ATRNL1: variants seen among roughly 807,000 people sequenced by gnomAD.
ATRNL1 encodes the protein attractin like 1.
In ATRNL1, 95 loss-of-function variants were observed where a neutral mutation model predicts 182.7. That is an observed-to-expected ratio of 0.52 (90% CI 0.44 to 0.62). ATRNL1 has a LOEUF of 0.62. Ranked by LOEUF, ATRNL1 falls within the 20% of genes least tolerant of loss-of-function variation. The probability of loss-of-function intolerance (pLI) is 0.00; values close to 1 mark genes in which losing one functional copy is unlikely to be tolerated. For synonymous variants in ATRNL1, 576 were observed against 568.3 expected (o/e 1.01, Z -0.19); for missense variants, 1,471 against 1,679.5 (o/e 0.88, Z 2.17).
intron 20 of ATRNL1, among the ~76,000 whole-genome samples, chr10:115,418,453 C>G (rs1438676273): frequency 6.6e-6 from 1 of 152,088 alleles, no homozygotes; most frequent in Non-Finnish European, 1.5e-5. Flanking sequence ...CTTACCAGAT[C>G]TGTGGGACAA....
intron 27 of ATRNL1, among the ~76,000 whole-genome samples, chr10:115,799,137 G>A (rs934588549): frequency 1.3e-4 from 20 of 151,924 alleles, no homozygotes; most frequent in African/African-American, 4.8e-4. Context: ...TCTTTACGTC[G>A]GAGATCCTGT....
At chr10:115,184,769 A>G (rs1847878584) in intron 8 of ATRNL1, among the ~76,000 whole-genome samples, 1 of 151,980 alleles carries the variant, frequency 6.6e-6, no homozygotes, top group Non-Finnish European at 1.5e-5. Flanking sequence ...ATGTAAGCTG[A>G]AACAAATGAA....
intron 19 of ATRNL1, among the ~76,000 whole-genome samples, chr10:115,389,578 A>ATATATATATATT (rs1843906412): frequency 9.1e-6 from 1 of 110,434 alleles, no homozygotes; most frequent in South Asian, 2.7e-4. Context: ...ATATATATAT[A>ATATATATATATT]TATATATATA....
chr10:115,552,574 G>A (rs559867791), intron 26 of ATRNL1, among the ~76,000 whole-genome samples: 7 of 151,446 alleles, frequency 4.6e-5, no homozygotes, highest in African/African-American at 1.4e-4. Flanking sequence ...AATATATTGT[G>A]TTCATTCAAC....
chr10:115,710,342 A>C (rs1947026594), intron 26 of ATRNL1, among the ~76,000 whole-genome samples: 2 of 152,144 alleles, frequency 1.3e-5, no homozygotes, highest in South Asian at 4.1e-4. Flanking sequence ...CATTTTGAAG[A>C]TGGTGGCTGC....
chr10:115,417,061 G>A (rs782066757), intron 20 of ATRNL1, among the ~76,000 whole-genome samples: 1 of 152,174 alleles, frequency 6.6e-6, no homozygotes, highest in Non-Finnish European at 1.5e-5. Flanking sequence ...GGCCCAAAGA[G>A]GGTTGTTTTG....
At chr10:115,935,772 A>G (rs181128814) in intron 28 of ATRNL1, among the ~76,000 whole-genome samples, 3 of 152,378 alleles carry the variant, frequency 2.0e-5, no homozygotes, top group African/African-American at 7.2e-5. Context: ...GTCAATTATT[A>G]GTAGTATTTC....
At chr10:115,826,195 C>A (rs1950427170) in intron 27 of ATRNL1, among the ~76,000 whole-genome samples, 1 of 81,442 alleles carries the variant, frequency 1.2e-5, no homozygotes, top group East Asian at 4.3e-4. Context: ...AAACAATATA[C>A]TATCCCATTT....
chr10:115,553,918 A>C (rs1434470889), intron 26 of ATRNL1, among the ~76,000 whole-genome samples: 2 of 151,488 alleles, frequency 1.3e-5, no homozygotes, highest in African/African-American at 4.8e-5. Context: ...TATAAATTAA[A>C]CTACTCTTTT....
intron 27 of ATRNL1, among the ~76,000 whole-genome samples, chr10:115,822,067 A>G (rs1026711381): frequency 6.6e-6 from 1 of 152,218 alleles, no homozygotes; most frequent in Admixed American, 6.5e-5. Context: ...AATGGAAATC[A>G]TAACAAACAG....
At chr10:115,287,924 G>GTTTTTTTTTTTTTTTTTTTTTT (rs11298663) in intron 15 of ATRNL1, among the ~76,000 whole-genome samples, 2 of 91,018 alleles carry the variant, frequency 2.2e-5, no homozygotes, top group Non-Finnish European at 4.3e-5. Flanking sequence ...AAGATCAACT[G>GTTTTTTTTTTTTTTTTTTTTTT]TTTTTTTTTT....
At chr10:115,699,005 C>G (rs1946650709) in intron 26 of ATRNL1, among the ~76,000 whole-genome samples, 1 of 151,786 alleles carries the variant, frequency 6.6e-6, no homozygotes, top group Admixed American at 6.6e-5. Flanking sequence ...TCTATATTAG[C>G]AACAAAAATG....
intron 28 of ATRNL1, among the ~76,000 whole-genome samples, chr10:115,877,678 A>G (rs1951730722): frequency 6.6e-6 from 1 of 152,260 alleles, no homozygotes; most frequent in Admixed American, 6.5e-5. Context: ...CAATATTTAA[A>G]TCCTAGTAAA....
intron 28 of ATRNL1, among the ~76,000 whole-genome samples, chr10:115,879,595 A>G (rs1951781070): frequency 6.6e-6 from 1 of 152,214 alleles, no homozygotes; most frequent in Non-Finnish European, 1.5e-5. Context: ...AAAGGAATAG[A>G]GGGCTGAACT....
At chr10:115,933,528 G>A (rs1043795746) in intron 28 of ATRNL1, among the ~76,000 whole-genome samples, 1 of 152,184 alleles carries the variant, frequency 6.6e-6, no homozygotes, top group Non-Finnish European at 1.5e-5. Flanking sequence ...CAGCAGGGAT[G>A]TCCAGGTCTT....
At chr10:115,365,127 T>C (rs1856961244) in intron 19 of ATRNL1, among the ~76,000 whole-genome samples, 1 of 151,766 alleles carries the variant, frequency 6.6e-6, no homozygotes, top group Non-Finnish European at 1.5e-5. Context: ...CTGGTAGAAT[T>C]CGGCTGTGAA....
At chr10:115,609,498 T>C (rs531707090) in intron 26 of ATRNL1, among the ~76,000 whole-genome samples, 1 of 152,216 alleles carries the variant, frequency 6.6e-6, no homozygotes, top group African/African-American at 2.4e-5. Context: ...AATAAATCTT[T>C]GTTTTTATGA....
At chr10:115,161,939 T>G (rs190585002) in intron 6 of ATRNL1, among the ~76,000 whole-genome samples, 420 of 152,232 alleles carry the variant, frequency 2.8e-3, no homozygotes, top group Non-Finnish European at 4.3e-3. Flanking sequence ...AGACAAATTA[T>G]TCACTAAATA....
At chr10:115,293,213 T>C (rs1444225118) in intron 15 of ATRNL1, among the ~76,000 whole-genome samples, 1 of 152,134 alleles carries the variant, frequency 6.6e-6, no homozygotes, top group Non-Finnish European at 1.5e-5. Context: ...ATATCTTTTT[T>C]CATCCCTTCA....
Sources: allele counts gnomAD v4.1 joint callset (sites outside exome capture counted in the v4.1 genomes callset), GRCh38; gene constraint gnomAD v4.1.1; transcripts MANE v1.5; gene names NCBI Gene and HGNC (gene_info 2026-07-23, HGNC 2026-07-21).